Variants in SDC2 observed in about 807,000 individuals in gnomAD.
SDC2 encodes the protein syndecan 2.
A neutral mutation model predicts 22.2 loss-of-function variants in SDC2; 13 were observed. The observed-to-expected ratio is 0.59, with a 90% CI of 0.38 to 0.93. The LOEUF is 0.93. Among genes scored for constraint, SDC2 ranks in the 40% least tolerant of loss-of-function variants. The pLI is 0.00. For missense variants in SDC2, 235 were observed against 246.8 expected (o/e 0.95, Z 0.32); for synonymous variants, 94 against 92.8 (o/e 1.01, Z -0.07).
chr8:96,592,801 G>A (rs1814804896), intron 1 of SDC2, among the ~76,000 whole-genome samples: 2 of 152,316 alleles, frequency 1.3e-5, no homozygotes, highest in East Asian at 3.9e-4. Flanking sequence ...TTAAGGCTTT[G>A]CTAAGCCAAT....
intron 1 of SDC2, among the ~76,000 whole-genome samples, chr8:96,503,907 A>G (rs1194174298): frequency 6.6e-6 from 1 of 152,170 alleles, no homozygotes; most frequent in African/African-American, 2.4e-5. Context: ...GAAAAAACAA[A>G]CCTATAGGCC....
At chr8:96,557,587 G>A (rs897052750) in intron 1 of SDC2, among the ~76,000 whole-genome samples, 9 of 149,874 alleles carry the variant, frequency 6.0e-5, no homozygotes, top group African/African-American at 2.2e-4. Flanking sequence ...AGATCACATG[G>A]TCACAGGAAG....
At chr8:96,542,773 C>T (rs746491700) in intron 1 of SDC2, among the ~76,000 whole-genome samples, 10 of 152,124 alleles carry the variant, frequency 6.6e-5, no homozygotes, top group Non-Finnish European at 1.2e-4. Flanking sequence ...TTTTCCATCT[C>T]TTAGTGAATA....
intron 1 of SDC2, among the ~76,000 whole-genome samples, chr8:96,561,771 A>T (rs1169818329): frequency 6.6e-6 from 1 of 152,222 alleles, no homozygotes; most frequent in African/African-American, 2.4e-5. Flanking sequence ...AACAAAACTC[A>T]GAGGTGCTGG....
intron 1 of SDC2, chr8:96,529,296 A>C (rs551600511): frequency 3.7e-4 from 57 of 152,360 alleles, no homozygotes; most frequent in African/African-American, 1.3e-3. Context: ...GAATGGAAGA[A>C]AACACATCAA....
At chr8:96,502,774 A>T (rs934176286) in intron 1 of SDC2, among the ~76,000 whole-genome samples, 2 of 152,246 alleles carry the variant, frequency 1.3e-5, no homozygotes, top group African/African-American at 4.8e-5. Flanking sequence ...TGTAAAACTG[A>T]ATATCCTAAA....
At chr8:96,562,939 T>C (rs940220810) in intron 1 of SDC2, among the ~76,000 whole-genome samples, 1 of 152,092 alleles carries the variant, frequency 6.6e-6, no homozygotes, top group African/African-American at 2.4e-5. Context: ...TTTTTTCCTT[T>C]CCTGACAATA....
intron 1 of SDC2, among the ~76,000 whole-genome samples, chr8:96,518,408 T>C (rs1351728579): frequency 6.7e-6 from 1 of 149,110 alleles, no homozygotes; most frequent in Non-Finnish European, 1.5e-5. Context: ...TCACGCAGGC[T>C]GGAGTGCAGT....
intron 1 of SDC2, among the ~76,000 whole-genome samples, chr8:96,570,982 G>A (rs1199910884): frequency 6.6e-6 from 1 of 152,154 alleles, no homozygotes; most frequent in Admixed American, 6.5e-5. Flanking sequence ...AGAGATGGAT[G>A]TGGTAATGGT....
chr8:96,499,131 A>G (rs957263596), intron 1 of SDC2, among the ~76,000 whole-genome samples: 2 of 152,152 alleles, frequency 1.3e-5, no homozygotes, highest in Non-Finnish European at 2.9e-5. Context: ...TGATATCACT[A>G]TCATGAACAC....
At chr8:96,597,921 G>A (rs1255001675) in intron 2 of SDC2, among the ~76,000 whole-genome samples, 2 of 152,202 alleles carry the variant, frequency 1.3e-5, no homozygotes, top group Admixed American at 1.3e-4. Context: ...ATTCATACAT[G>A]CAAATGTATT....
intron 1 of SDC2, among the ~76,000 whole-genome samples, chr8:96,517,781 G>C (rs1418213839): frequency 8.5e-6 from 1 of 117,218 alleles, no homozygotes; most frequent in Admixed American, 8.1e-5. Flanking sequence ...ATGTGTGTGT[G>C]TGTGTGTGTG....
In SDC2 at chr8:96,602,590, CTG is replaced by C. The variant is rs1378792344; in HGVS notation, c.306+64_306+65del. 3.2e-6 allele frequency: 5 copies of C among 1,547,956 alleles called. No homozygotes were observed. The Admixed American group carries it at 8.6e-5, about 27-fold the overall frequency. Reference sequence around the variant, plus strand: ...TATTACAAATGCTTCACTTTACTGACTGTACACAACAGTCCCTTTTGTATTAT... The same window carrying C: ...TATTACAAATGCTTCACTTTACTGACTACACAACAGTCCCTTTTGTATTAT... On this transcript the variant is annotated intron_variant, in intron 3 of 4. Transcript: ENST00000302190.
chr8:96,573,013 G>A (rs1279873944), intron 1 of SDC2, among the ~76,000 whole-genome samples: 1 of 152,218 alleles, frequency 6.6e-6, no homozygotes, highest in African/African-American at 2.4e-5. Flanking sequence ...CCTCCCCAGA[G>A]CTGGCTTGAG....
intron 1 of SDC2, among the ~76,000 whole-genome samples, chr8:96,527,087 G>A (rs1198026449): frequency 6.6e-6 from 1 of 152,146 alleles, no homozygotes; most frequent in Non-Finnish European, 1.5e-5. Flanking sequence ...TATTTCAGCA[G>A]CTAGCATGGT....
chr8:96,562,683 A>G (rs1286249451), intron 1 of SDC2, among the ~76,000 whole-genome samples: 4 of 152,240 alleles, frequency 2.6e-5, no homozygotes, highest in South Asian at 2.1e-4. Context: ...CGTCGACACA[A>G]TTAGAATTGG....
In SDC2 at chr8:96,609,655, T is replaced by A; in HGVS notation, c.*107T>A. On this transcript the variant is annotated 3_prime_UTR_variant, in exon 5 of 5. Transcript: ENST00000302190. ...TTTTTTGTTTTCATTAAAGAGCCATTCTGGCACTTTAATGATAAAATCCCA... is the reference window on the plus strand; with the variant it reads ...TTTTTTGTTTTCATTAAAGAGCCATACTGGCACTTTAATGATAAAATCCCA... 5 of 668,944 alleles carry A rather than the reference T, an allele frequency of 7.5e-6. No homozygotes were observed. The highest frequency in any genetic ancestry group is 9.1e-6 in the Non-Finnish European group (4 of 437,484). The allele number at this position is 668,944 out of a possible 1,614,324, so 41.4% of individuals were successfully genotyped here.
rs192962963 is a variant in SDC2 at position 96,522,071 on chromosome 8, A to G, written c.60+27740A>G. Among the ~76,000 whole-genome samples the G allele has an allele frequency of 7.2e-5, 11 of 152,312 alleles. No homozygotes were observed. The East Asian group carries it at 2.1e-3, about 29-fold the overall frequency. ...TCCTACCATCCTTTCTGCAAAACTC[A>G]AGTGAAAATTATTTATTTAGGATGC... is the stretch of plus-strand genomic sequence containing the variant. On this transcript the variant is annotated intron_variant, in intron 1 of 4. Transcript: ENST00000302190.
intron 1 of SDC2, among the ~76,000 whole-genome samples, chr8:96,520,397 T>A (rs1813478492): frequency 6.6e-6 from 1 of 152,220 alleles, no homozygotes; most frequent in South Asian, 2.1e-4. Flanking sequence ...GCTGCTTCAC[T>A]CACTCTTACT....
Sources: allele counts gnomAD v4.1 joint callset (sites outside exome capture counted in the v4.1 genomes callset), GRCh38; gene constraint gnomAD v4.1.1; transcripts MANE v1.5; gene names NCBI Gene and HGNC (gene_info 2026-07-23, HGNC 2026-07-21).